AARS1: variants seen among roughly 807,000 people sequenced by gnomAD.
AARS1 encodes alanyl-tRNA synthetase 1.
A neutral mutation model predicts 108.9 loss-of-function variants in AARS1; 72 were observed. The observed-to-expected ratio is 0.66, with a 90% CI of 0.55 to 0.80. AARS1 has a LOEUF of 0.80. Ranked by LOEUF, AARS1 falls within the 30% of genes least tolerant of loss-of-function variation. The probability of loss-of-function intolerance (pLI) is 0.00; values close to 1 mark genes in which losing one functional copy is unlikely to be tolerated. For missense variants in AARS1, 1,193 were observed against 1,233.2 expected (o/e 0.97, Z 0.49); for synonymous variants, 489 against 465.7 (o/e 1.05, Z -0.64).
chr16:70,264,001 A>C (rs930074188), intron 11 of AARS1, among the ~76,000 whole-genome samples: 31 of 151,962 alleles, frequency 2.0e-4, no homozygotes, highest in Non-Finnish European at 1.3e-4. Context: ...TAATCCCAGC[A>C]CTTTGGGAGG....
intron 16 of AARS1, among the ~76,000 whole-genome samples, chr16:70,254,940 C>A (rs894562457): frequency 6.6e-6 from 1 of 152,172 alleles, no homozygotes; most frequent in Admixed American, 6.5e-5. Flanking sequence ...AAGGCTGCAC[C>A]CAACTCAGAC....
chr16:70,282,540 G>C, intron 2 of AARS1, 80 bp downstream of exon 2: 1 of 1,557,228 alleles, frequency 6.4e-7, no homozygotes, highest in African/African-American at 1.4e-5. Context: ...GAATCGGTCT[G>C]ACCCCAGGGC....
chr16:70,276,583 T>C lies in AARS1; in HGVS notation c.382A>G (p.Ile128Val). Residue 128 changes from isoleucine (I) to valine (V), a missense_variant, in exon 4 of 21, where the codon ATT becomes GTT. Ile to Val is a conservative substitution (Grantham distance 29). Transcript: ENST00000261772. Reference sequence around the variant, plus strand: ...GTAACATAAAGTCTTTCAATGGGAATGCCAAACTCTTGGGTGAGGAGTTCC... The same window carrying C: ...GTAACATAAAGTCTTTCAATGGGAACGCCAAACTCTTGGGTGAGGAGTTCC... ...ALELLTQEFG[I>V]PIERLYVTYF... 1 of 1,614,156 alleles carries C rather than the reference T, an allele frequency of 6.2e-7. No individual in the cohort carries two copies. Among genetic ancestry groups the C allele is most frequent in the Non-Finnish European group, 8.5e-7 (1 of 1,180,022 alleles).
chr16:70,252,680 G>T lies in AARS1; in HGVS notation c.*41C>A. The T allele has an allele frequency of 6.2e-7, 1 of 1,606,736 alleles. No homozygotes were observed. The highest frequency in any genetic ancestry group is 8.5e-7 in the Non-Finnish European group (1 of 1,174,634). The stretch of plus-strand genomic sequence containing the variant: ...TCTTGTAGCAGATGAAGAGCTCTTG[G>T]CTGGACGGATGGATCCAGTGGGAGC... On this transcript the variant is annotated 3_prime_UTR_variant, in exon 21 of 21. Transcript: ENST00000261772.
chr16:70,283,030 T>G (rs769032722), intron 1 of AARS1, among the ~76,000 whole-genome samples: 5 of 152,170 alleles, frequency 3.3e-5, no homozygotes, highest in Non-Finnish European at 7.3e-5. Context: ...AGCACACTGC[T>G]GCTGGATGTT....
chr16:70,269,525 C>T, intron 7 of AARS1, 93 bp downstream of exon 7: 4 of 1,564,216 alleles, frequency 2.6e-6, no homozygotes, highest in Non-Finnish European at 3.5e-6. Context: ...CAGAGCAACA[C>T]TCAATCTCAC....
intron 7 of AARS1, 22 bp from the exon 8 acceptor site, chr16:70,268,401 C>T (rs1393960922): frequency 6.2e-7 from 1 of 1,602,700 alleles, no homozygotes; most frequent in East Asian, 2.2e-5. Flanking sequence ...AAAAACTAGT[C>T]CCCAACGTTC....
In AARS1 at chr16:70,264,372, A is replaced by T. The variant is rs568619070; in HGVS notation, c.1492+586T>A. ...ACTCTTGTTGTCCAGGCTGGAGTGCAATGGCATGATCTTGGCTCACTGCAA... is the reference window on the plus strand; with the variant it reads ...ACTCTTGTTGTCCAGGCTGGAGTGCTATGGCATGATCTTGGCTCACTGCAA... On this transcript the variant is annotated intron_variant, in intron 11 of 20. Coordinates refer to ENST00000261772, the MANE Select transcript of AARS1 (RefSeq NM_001605.3). Among the ~76,000 whole-genome samples the T allele has an allele frequency of 3.3e-5, 5 of 151,128 alleles. No individual in the cohort carries two copies. The East Asian group carries it at 7.9e-4, about 24-fold the overall frequency.
Position 70,258,629 on chromosome 16 carries a change from A to C in AARS1, c.1992+351T>G, listed in dbSNP as rs531446349. ...TTCCCAGGCTAGAGTGCAATGGCGC[A>C]ATCTCGGCTCACTGCAAGCTCCACC... On this transcript the variant is annotated intron_variant, in intron 14 of 20. Coordinates refer to ENST00000261772, the MANE Select transcript of AARS1 (RefSeq NM_001605.3). Among the ~76,000 whole-genome samples, 19 of 152,018 alleles carry C rather than the reference A, an allele frequency of 1.2e-4. No homozygotes were observed. The East Asian group carries it at 2.1e-3, about 17-fold the overall frequency.
chr16:70,270,798 T>A (rs1205508583), intron 5 of AARS1, among the ~76,000 whole-genome samples: 1 of 145,128 alleles, frequency 6.9e-6, no homozygotes, highest in Non-Finnish European at 1.5e-5. Flanking sequence ...GATTTCACCA[T>A]TGCACTACAG....
At chr16:70,261,316 C>T (rs1960126382) in intron 12 of AARS1, 159 bp from the exon 13 acceptor site, 2 of 556,090 alleles carry the variant, frequency 3.6e-6, no homozygotes, top group Non-Finnish European at 6.6e-6. Context: ...ATTAAATAGG[C>T]CAGGTGCAGT....
intron 7 of AARS1, 57 bp downstream of exon 7, chr16:70,269,561 T>C: frequency 6.2e-7 from 1 of 1,606,364 alleles, no homozygotes; most frequent in East Asian, 2.2e-5. Context: ...TCATAAAGAG[T>C]CACACATAGC....
At chr16:70,287,147 C>T (rs906087815) in intron 1 of AARS1, among the ~76,000 whole-genome samples, 4 of 142,242 alleles carry the variant, frequency 2.8e-5, no homozygotes, top group Non-Finnish European at 6.1e-5. Context: ...GCTAGCTACT[C>T]GGGAGGCTGA....
Position 70,271,881 on chromosome 16 carries a change from G to A in AARS1, c.571C>T (p.His191Tyr), listed in dbSNP as rs1479571939. The change falls in exon 5 of 21, where the codon CAC (histidine) becomes TAC (tyrosine). Residue 191 changes from histidine (H) to tyrosine (Y), a missense_variant. Transcript: ENST00000261772. ...TGPCGPCSEI[H>Y]YDRIGGRDAA... The stretch of plus-strand genomic sequence containing the variant: ...TCCCGACCACCAATCCGGTCGTAGT[G>A]GATCTCACTGCAAGGACCACAGGGG... 1.5e-5 allele frequency: 25 copies of A among 1,614,132 alleles called. No individual in the cohort carries two copies. The highest frequency in any genetic ancestry group is 2.0e-5 in the Non-Finnish European group (24 of 1,180,032).
intron 1 of AARS1, among the ~76,000 whole-genome samples, chr16:70,283,880 G>A (rs993629783): frequency 6.6e-6 from 1 of 152,184 alleles, no homozygotes; most frequent in Non-Finnish European, 1.5e-5. Context: ...GAAAGTACAA[G>A]GGAACTGGTG....
chr16:70,261,332 A>C, intron 12 of AARS1, 175 bp from the exon 13 acceptor site: 1 of 499,742 alleles, frequency 2.0e-6, no homozygotes, highest in Non-Finnish European at 3.7e-6. Context: ...GCAGTGGCTC[A>C]TGACTGTAAT....
At chr16:70,254,219 G>C (rs1959922401) in intron 17 of AARS1, among the ~76,000 whole-genome samples, 181 bp from the exon 18 acceptor site, 1 of 152,232 alleles carries the variant, frequency 6.6e-6, no homozygotes, top group Non-Finnish European at 1.5e-5. Context: ...GGGCTAGAGA[G>C]AAAGGAGCAG....
At position 70,252,633 on chromosome 16, in the gene AARS1, A is replaced by G. The variant is rs1959868298; in HGVS notation, c.*88T>C. The G allele has an allele frequency of 6.7e-7, 1 of 1,482,472 alleles. No homozygotes were observed. Among genetic ancestry groups the G allele is most frequent in the Non-Finnish European group, 9.4e-7 (1 of 1,067,706 alleles). 91.8% of individuals were successfully genotyped at this position (1,482,472 alleles called of 1,614,324 possible). On this transcript the variant is annotated 3_prime_UTR_variant, in exon 21 of 21. Coordinates refer to ENST00000261772, the MANE Select transcript of AARS1 (RefSeq NM_001605.3). Reference sequence around the variant, plus strand: ...ACTGCTGGGTTAGGAGGGGCTCTTTAAAGGTCCCAAGATTCAAATGTTCTT... The same window carrying G: ...ACTGCTGGGTTAGGAGGGGCTCTTTGAAGGTCCCAAGATTCAAATGTTCTT...
At position 70,253,798 on chromosome 16, in the gene AARS1, C is replaced by A; in HGVS notation, c.2523G>T (p.Val841=). The change falls in exon 19 of 21, where the codon GTG becomes GTT. Residue 841 remains valine, a splice_region_variant and synonymous_variant. Coordinates refer to ENST00000261772, the MANE Select transcript of AARS1 (RefSeq NM_001605.3). Reference sequence around the variant, plus strand: ...CGATGAACTGCTTCGTCTTCTCTAACACCTGCAAGAAAAAAGTCCAGAACA... The same window carrying A: ...CGATGAACTGCTTCGTCTTCTCTAAAACCTGCAAGAAAAAAGTCCAGAACA... ...RASKADVQKR[V]LEKTKQFIDS... The A allele has an allele frequency of 6.2e-7, 1 of 1,614,226 alleles. No homozygotes were observed. The highest frequency in any genetic ancestry group is 8.5e-7 in the Non-Finnish European group (1 of 1,180,044).
Sources: gnomAD v4.1 joint callset for allele counts (sites outside exome capture counted in the v4.1 genomes callset) on GRCh38, gnomAD v4.1.1 for gene constraint, MANE v1.5 for transcripts, NCBI Gene and HGNC (gene_info 2026-07-23, HGNC 2026-07-21) for gene names.